Variants in ADD1 observed in about 807,000 individuals in gnomAD.
ADD1 encodes the protein adducin 1.
In ADD1, 24 loss-of-function variants were observed where a neutral mutation model predicts 80.5. That is an observed-to-expected ratio of 0.30 (90% CI 0.22 to 0.42). The LOEUF is 0.42. ADD1 is among the 10% of genes least tolerant of loss of function. The pLI, the probability that ADD1 is intolerant of heterozygous loss-of-function variation, is 1.00. For synonymous variants in ADD1, 373 were observed against 393.8 expected, an observed-to-expected ratio of 0.95 and a Z score of 0.63; for missense variants, 948 against 1,019.0, an observed-to-expected ratio of 0.93 and a Z score of 0.95.
intron 5 of ADD1, among the ~76,000 whole-genome samples, 157 bp downstream of exon 5, chr4:2,894,250 C>A (rs150626954): frequency 3.0e-4 from 46 of 152,294 alleles, no homozygotes; most frequent in African/African-American, 1.1e-3. Context: ...AGAGAAGTTA[C>A]AAATATTGTA....
chr4:2,859,039 T>C (rs1011297168), intron 1 of ADD1, among the ~76,000 whole-genome samples: 3 of 152,150 alleles, frequency 2.0e-5, no homozygotes, highest in Non-Finnish European at 2.9e-5. Flanking sequence ...ACCTGCATCA[T>C]TGGGCCCTGC....
In ADD1 at chr4:2,881,886, A is replaced by AT. The variant is rs1560182611; in HGVS notation, c.196-6dup. On this transcript the variant is annotated splice_polypyrimidine_tract_variant and intron_variant, in intron 2 of 15. Transcript: ENST00000683351. ...ATAAATGGTATCTCAGTGTTTTAAT[A>AT]TTTTTTATTAGGCTTTCTGTGAAGA... 1.3e-6 allele frequency: 2 copies of AT among 1,589,556 alleles called. No individual in the cohort carries two copies. Among genetic ancestry groups the AT allele is most frequent in the African/African-American group, 2.7e-5 (2 of 73,510 alleles).
intron 14 of ADD1, among the ~76,000 whole-genome samples, chr4:2,921,574 T>A (rs1351769456): frequency 6.6e-6 from 1 of 152,218 alleles, no homozygotes; most frequent in African/African-American, 2.4e-5. Flanking sequence ...TAACATTTTT[T>A]CCTTCATTTC....
chr4:2,857,415 A>G (rs1254049414), intron 1 of ADD1, among the ~76,000 whole-genome samples: 1 of 152,108 alleles, frequency 6.6e-6, no homozygotes, highest in East Asian at 1.9e-4. Context: ...GTTTGAGACC[A>G]GTGTGGGTAA....
At chr4:2,861,516 T>G (rs1392143099) in intron 1 of ADD1, among the ~76,000 whole-genome samples, 2 of 152,212 alleles carry the variant, frequency 1.3e-5, no homozygotes, top group Admixed American at 1.3e-4. Flanking sequence ...CTTTAAATAT[T>G]CAAACAGATG....
chr4:2,905,362 T>C lies in ADD1; in HGVS notation c.1506+254T>C, dbSNP rs574025457. 27 of 523,814 alleles carry C rather than the reference T, an allele frequency of 5.2e-5. No homozygotes were observed. In the East Asian group the frequency reaches 8.1e-4, roughly 16 times the overall value. 32.4% of individuals were successfully genotyped at this position (523,814 alleles called of 1,614,324 possible). ...TATATCTCCGTATATAGCAAAAATA[T>C]ACAATAATTTACATGTATTAACCTA... On this transcript the variant is annotated intron_variant, in intron 10 of 15. Coordinates refer to ENST00000683351, the MANE Select transcript of ADD1 (RefSeq NM_001354761.2).
intron 9 of ADD1, among the ~76,000 whole-genome samples, chr4:2,903,941 A>G (rs1256644945): frequency 6.6e-6 from 1 of 152,202 alleles, no homozygotes; most frequent in East Asian, 1.9e-4. Context: ...GTGAATTTGA[A>G]TGTTGTTGTA....
At chr4:2,899,568 C>T (rs1186986166) in intron 9 of ADD1, 133 bp downstream of exon 9, 8 of 964,898 alleles carry the variant, frequency 8.3e-6, no homozygotes, top group Non-Finnish European at 1.3e-5. Flanking sequence ...CATGAAGAAG[C>T]ACTAGGGTTG....
In ADD1 at chr4:2,882,124, C is replaced by T. The variant is rs952407485; in HGVS notation, c.358+64C>T. On this transcript the variant is annotated intron_variant, in intron 3 of 15. Transcript: ENST00000683351. Reference sequence around the variant, plus strand: ...TTCAGGTAAAATTTCCTGAAGATTGCTCATGTGAAATAAGTGGGCATTTAA... The same window carrying T: ...TTCAGGTAAAATTTCCTGAAGATTGTTCATGTGAAATAAGTGGGCATTTAA... The T allele has an allele frequency of 6.9e-6, 10 of 1,450,894 alleles. No homozygotes were observed. The African/African-American group carries it at 1.3e-4, about 19-fold the overall frequency. The allele number at this position is 1,450,894 out of a possible 1,614,324, so 89.9% of individuals were successfully genotyped here.
At chr4:2,909,255 C>A in intron 12 of ADD1, 84 bp from the exon 13 acceptor site, 1 of 1,207,704 alleles carries the variant, frequency 8.3e-7, no homozygotes, top group Non-Finnish European at 1.2e-6. Flanking sequence ...GCTGCATGCT[C>A]TTAGCCAGCT....
At chr4:2,885,883 T>G (rs948517255) in intron 4 of ADD1, among the ~76,000 whole-genome samples, 2 of 152,150 alleles carry the variant, frequency 1.3e-5, no homozygotes, top group African/African-American at 4.8e-5. Context: ...GTGCTGGGAT[T>G]ACAGGCGTGA....
chr4:2,901,366 G>A (rs1280353074), intron 9 of ADD1: 1 of 152,218 alleles, frequency 6.6e-6, no homozygotes, highest in African/African-American at 2.4e-5. Flanking sequence ...ATCCTAGAAG[G>A]CGGAGAGGGG....
At chr4:2,914,052 C>A (rs1477771338) in intron 13 of ADD1, among the ~76,000 whole-genome samples, 6 of 145,542 alleles carry the variant, frequency 4.1e-5, no homozygotes, top group Non-Finnish European at 6.0e-5. Flanking sequence ...GTGCGAGACT[C>A]CGTCTCAAAA....
chr4:2,908,785 G>A (rs1737495522), intron 12 of ADD1, 181 bp downstream of exon 12: 2 of 615,362 alleles, frequency 3.3e-6, no homozygotes, highest in East Asian at 5.6e-5. Flanking sequence ...TCTAGAAGGA[G>A]CGAGCATGCT....
chr4:2,884,485 C>G, intron 3 of ADD1, 30 bp from the exon 4 acceptor site: 2 of 1,575,536 alleles, frequency 1.3e-6, no homozygotes, highest in Non-Finnish European at 1.7e-6. Context: ...ACCACTGCAC[C>G]TGGCTGAGTT....
chr4:2,866,198 C>T (rs1729517570), intron 1 of ADD1, among the ~76,000 whole-genome samples: 1 of 152,124 alleles, frequency 6.6e-6, no homozygotes, highest in Non-Finnish European at 1.5e-5. Flanking sequence ...AGGCAGTCTC[C>T]CTCTGTTCCC....
intron 1 of ADD1, among the ~76,000 whole-genome samples, chr4:2,858,574 T>C (rs1254484895): frequency 6.6e-6 from 1 of 152,240 alleles, no homozygotes; most frequent in Non-Finnish European, 1.5e-5. Flanking sequence ...TTTTCTGCAC[T>C]AGTGATACCA....
chr4:2,887,873 CCTT>C (rs1310117270), intron 4 of ADD1, among the ~76,000 whole-genome samples: 1 of 152,110 alleles, frequency 6.6e-6, no homozygotes, highest in East Asian at 1.9e-4. Flanking sequence ...TTCAAAATAT[CCTT>C]CTCTATTTTT....
At chr4:2,876,202 A>G in intron 2 of ADD1, 92 bp downstream of exon 2, 2 of 1,253,914 alleles carry the variant, frequency 1.6e-6, no homozygotes, top group Non-Finnish European at 2.2e-6. Context: ...GGCATAGTTC[A>G]TTGATCTTAT....
Sources: gnomAD v4.1 joint callset for allele counts (sites outside exome capture counted in the v4.1 genomes callset) on GRCh38, gnomAD v4.1.1 for gene constraint, MANE v1.5 for transcripts, NCBI Gene and HGNC (gene_info 2026-07-23, HGNC 2026-07-21) for gene names.